Variants in HTR4 observed in about 807,000 individuals in gnomAD.
HTR4 encodes the protein 5-hydroxytryptamine (serotonin) receptor 4, G protein-coupled.
In HTR4, 16 loss-of-function variants were observed where a neutral mutation model predicts 36.8. The ratio of observed to expected loss-of-function variants is 0.43; its 90% CI spans 0.29 to 0.66. The LOEUF (loss-of-function observed/expected upper bound fraction) is 0.66, where lower values mean the gene tolerates loss of function less well. Among genes scored for constraint, HTR4 ranks in the 30% least tolerant of loss-of-function variants. HTR4 has a pLI of 0.13. For missense variants in HTR4, 438 were observed against 490.9 expected (o/e 0.89, Z 1.02); for synonymous variants, 189 against 185.1 (o/e 1.02, Z -0.17).
downstream of HTR4, among the ~76,000 whole-genome samples, chr5:148,475,105 A>G (rs1581350290): frequency 1.3e-5 from 2 of 152,230 alleles, no homozygotes; most frequent in South Asian, 2.1e-4. Context: ...GGCATTATAT[A>G]CAATAATAAT....
At chr5:148,549,985 ATCCCTTTTTC>A in intron 3 of HTR4, 142 bp downstream of exon 3, 1 of 717,784 alleles carries the variant, frequency 1.4e-6, no homozygotes, top group East Asian at 2.7e-5. Flanking sequence ...ATTAATTGCA[ATCCCTTTTTC>A]TCCCCTTTTA....
intron 2 of HTR4, among the ~76,000 whole-genome samples, chr5:148,593,419 G>C (rs1158837935): frequency 6.6e-6 from 1 of 152,090 alleles, no homozygotes; most frequent in East Asian, 1.9e-4. Flanking sequence ...CTCTGATTTT[G>C]TTCCAGTCAG....
chr5:148,595,763 G>T (rs1021522909), intron 2 of HTR4, among the ~76,000 whole-genome samples: 1 of 151,958 alleles, frequency 6.6e-6, no homozygotes, highest in South Asian at 2.1e-4. Flanking sequence ...CTCCAAAAAA[G>T]TATTTTAAAA....
intron 2 of HTR4, among the ~76,000 whole-genome samples, chr5:148,560,623 CAA>C (rs1053506423): frequency 3.3e-5 from 5 of 152,158 alleles, no homozygotes; most frequent in African/African-American, 1.2e-4. Flanking sequence ...ATATGGCAAA[CAA>C]TGCACCTGGA....
At chr5:148,464,639 G>C (rs1186298542) in intron 5 of HTR4, among the ~76,000 whole-genome samples, 2 of 152,132 alleles carry the variant, frequency 1.3e-5, no homozygotes, top group African/African-American at 4.8e-5. Context: ...TGGTTGGAAT[G>C]CAAAATGGTT....
At chr5:148,464,050 AAAG>A (rs1755359491) in intron 5 of HTR4, among the ~76,000 whole-genome samples, 2 of 151,568 alleles carry the variant, frequency 1.3e-5, no homozygotes, top group African/African-American at 2.4e-5. Context: ...AAAAAAAAAA[AAAG>A]AATCTAGACA....
At chr5:148,490,528 C>T (rs772808598) in intron 6 of HTR4, 77 of 1,102,392 alleles carry the variant, frequency 7.0e-5, no homozygotes, top group East Asian at 6.4e-4. Flanking sequence ...CACTGTGGGA[C>T]GATGCTTATG....
intron 5 of HTR4, among the ~76,000 whole-genome samples, chr5:148,511,628 T>TGC (rs1434361326): frequency 6.6e-6 from 1 of 151,290 alleles, no homozygotes; most frequent in African/African-American, 2.4e-5. Context: ...TTTGTGTGTG[T>TGC]GTGTGTGTGT....
At chr5:148,576,921 A>T (rs916632982) in intron 2 of HTR4, among the ~76,000 whole-genome samples, 2 of 152,122 alleles carry the variant, frequency 1.3e-5, no homozygotes, top group South Asian at 4.1e-4. Flanking sequence ...CAAAGATTTC[A>T]TGACAAAGAC....
chr5:148,549,842 G>T (rs1759593082), intron 3 of HTR4, among the ~76,000 whole-genome samples: 1 of 152,014 alleles, frequency 6.6e-6, no homozygotes, highest in Non-Finnish European at 1.5e-5. Flanking sequence ...TAATAAAATG[G>T]GGAGGTTAGA....
Position 148,483,218 on chromosome 5 carries a change from C to T in HTR4, c.1152G>A (p.Gln384=). ...TCCCAGGGGCCTAAGTGTCACTGGGCTGAGCAGCCACCAAAGGAGAAGTTG... is the reference window on the plus strand; with the variant it reads ...TCCCAGGGGCCTAAGTGTCACTGGGTTGAGCAGCCACCAAAGGAGAAGTTG... ...PPATSPLVAA[Q]PSDT is the part of the protein sequence containing the mutation. Residue 384 remains glutamine, a synonymous_variant, in exon 7 of 7, where the codon CAG becomes CAA. Coordinates refer to ENST00000377888, the MANE Select transcript of HTR4 (RefSeq NM_000870.7). 6.2e-7 allele frequency: 1 copy of T among 1,614,024 alleles called. No individual in the cohort carries two copies. The highest frequency in any genetic ancestry group is 1.7e-5 in the Admixed American group (1 of 60,020).
chr5:148,550,143 T>C lies in HTR4; in HGVS notation c.146A>G (p.Gln49Arg). 6.2e-7 allele frequency: 1 copy of C among 1,614,074 alleles called. No homozygotes were observed. Among genetic ancestry groups the C allele is most frequent in the Non-Finnish European group, 8.5e-7 (1 of 1,179,990 alleles). Residue 49 changes from glutamine to arginine, a missense_variant, in exon 3 of 7, where the codon CAG becomes CGG. Gln to Arg is a conservative substitution (Grantham distance 43, BLOSUM62 1). Transcript: ENST00000377888. ...LVMVAVCWDR[Q>R]LRKIKTNYFI... ...GTTCCCTCCTGCTGCTCACCTGAGC[T>C]GCCTGTCCCAGCACACAGCCACCAT...
rs114502230 is a variant in HTR4, at chr5:148,632,851, A to G, written c.26+4138T>C. ...GGTAGTTAAACAACATCAAAAGCAT[A>G]GCTGTTTCTGAAGTCAGGCATTAAG... is the stretch of plus-strand genomic sequence containing the variant. On this transcript the variant is annotated intron_variant, in intron 2 of 6. Transcript: ENST00000377888. Among the ~76,000 whole-genome samples the G allele has an allele frequency of 8.9e-3, 1,360 of 152,246 alleles. 26 individuals are homozygous for G. Among genetic ancestry groups the G allele is most frequent in the African/African-American group, 0.031 (1,301 of 41,540 alleles).
intron 6 of HTR4, among the ~76,000 whole-genome samples, chr5:148,489,264 C>T (rs1007834215): frequency 5.3e-5 from 8 of 152,150 alleles, no homozygotes; most frequent in Admixed American, 2.0e-4. Flanking sequence ...TTTGCAGGCT[C>T]TGGCTGAGTG....
intron 2 of HTR4, among the ~76,000 whole-genome samples, chr5:148,583,508 C>T (rs1470990617): frequency 1.3e-5 from 2 of 151,676 alleles, no homozygotes; most frequent in South Asian, 2.1e-4. Flanking sequence ...TAATAATACT[C>T]ATATTTTACA....
chr5:148,471,958 G>A (rs1195789019), downstream of HTR4, among the ~76,000 whole-genome samples: 2 of 152,188 alleles, frequency 1.3e-5, no homozygotes, highest in African/African-American at 4.8e-5. Context: ...GGTGTGTGGT[G>A]ATCAGTACTA....
At chr5:148,507,248 A>T (rs1254804028) in intron 6 of HTR4, among the ~76,000 whole-genome samples, 2 of 151,972 alleles carry the variant, frequency 1.3e-5, no homozygotes, top group African/African-American at 4.8e-5. Context: ...GCTGGAAACC[A>T]TCATTCTCAG....
intron 2 of HTR4, chr5:148,629,653 G>C (rs1349459724): frequency 6.6e-6 from 1 of 152,146 alleles, no homozygotes; most frequent in Non-Finnish European, 1.5e-5. Context: ...AGGTGGACAA[G>C]GTAAACTGCA....
At chr5:148,506,508 C>A (rs1757223631) in intron 6 of HTR4, among the ~76,000 whole-genome samples, 1 of 152,116 alleles carries the variant, frequency 6.6e-6, no homozygotes, top group African/African-American at 2.4e-5. Context: ...GCAACAGAAG[C>A]TAAAATTGAC....
Sources: allele counts gnomAD v4.1 joint callset (sites outside exome capture counted in the v4.1 genomes callset), GRCh38; gene constraint gnomAD v4.1.1; transcripts MANE v1.5; gene names NCBI Gene and HGNC (gene_info 2026-07-23, HGNC 2026-07-21).